PRKX: variants seen among roughly 807,000 people sequenced by gnomAD.
PRKX encodes the protein cAMP-dependent protein kinase catalytic subunit PRKX.
In PRKX, 12 loss-of-function variants were observed where a neutral mutation model predicts 22.0. That is an observed-to-expected ratio of 0.54 (90% CI 0.35 to 0.88). The LOEUF is 0.88. Ranked by LOEUF, PRKX falls within the 40% of genes least tolerant of loss-of-function variation. The probability of loss-of-function intolerance (pLI) is 0.01; values close to 1 mark genes in which losing one functional copy is unlikely to be tolerated. For missense variants in PRKX, 217 were observed against 308.0 expected (o/e 0.70, Z 2.21); for synonymous variants, 134 against 137.7 (o/e 0.97, Z 0.19).
At chrX:3,662,185 C>T (rs1927608914) in intron 2 of PRKX, among the ~76,000 whole-genome samples, 1 of 110,613 alleles carries the variant, frequency 9.0e-6, no homozygotes, top group African/African-American at 3.3e-5. Flanking sequence ...TCCTGTAAGA[C>T]CAGGTAGAAG....
chrX:3,694,388 C>CA (rs773988863), intron 1 of PRKX, among the ~76,000 whole-genome samples: 5 of 107,198 alleles, frequency 4.7e-5, no homozygotes, highest in East Asian at 2.9e-4. Context: ...ACTCCATCAC[C>CA]AAAAAAAATA....
chrX:3,668,574 C>A (rs1043487438), intron 2 of PRKX, among the ~76,000 whole-genome samples: 1 of 111,925 alleles, frequency 8.9e-6, no homozygotes, highest in Non-Finnish European at 1.9e-5. Flanking sequence ...AGAAGAGGTT[C>A]TGGCATGAAC....
chrX:3,700,325 G>C (rs1220176361), intron 1 of PRKX, among the ~76,000 whole-genome samples: 1 of 111,955 alleles, frequency 8.9e-6, no homozygotes, highest in Non-Finnish European at 1.9e-5. Flanking sequence ...GGAAGTTAAC[G>C]GAGAAACATA....
At chrX:3,684,198 G>A (rs1162672246) in intron 1 of PRKX, among the ~76,000 whole-genome samples, 2 of 111,643 alleles carry the variant, frequency 1.8e-5, no homozygotes, top group Non-Finnish European at 3.8e-5. Flanking sequence ...GTTACAGTGA[G>A]CCAAGATTGC....
intron 1 of PRKX, among the ~76,000 whole-genome samples, chrX:3,675,601 C>T (rs1927937094): frequency 9.2e-6 from 1 of 109,262 alleles, no homozygotes; most frequent in Non-Finnish European, 1.9e-5. Context: ...CACTGGGGTG[C>T]ATGTAAATGA....
intron 3 of PRKX, among the ~76,000 whole-genome samples, chrX:3,649,086 A>G (rs953593514): frequency 8.9e-5 from 10 of 112,068 alleles, no homozygotes; most frequent in African/African-American, 3.2e-4. Context: ...CAAATGCTCC[A>G]AAAGTCAATA....
At chrX:3,629,363 A>G (rs773691279) in intron 4 of PRKX, among the ~76,000 whole-genome samples, 57 of 108,091 alleles carry the variant, frequency 5.3e-4, no homozygotes, top group Non-Finnish European at 7.7e-4. Flanking sequence ...CTCCTACTTC[A>G]GCCTCCTGAG....
At chrX:3,683,303 A>G (rs1336057338) in intron 1 of PRKX, among the ~76,000 whole-genome samples, 2 of 111,907 alleles carry the variant, frequency 1.8e-5, no homozygotes, top group Non-Finnish European at 3.8e-5. Context: ...TAACTCCACC[A>G]TCTCTGAGAA....
Position 3,694,648 on chromosome X carries a change from T to C in PRKX, c.166+18440A>G, listed in dbSNP as rs186233745. Among the ~76,000 whole-genome samples, 215 of 111,625 alleles carry C rather than the reference T, an allele frequency of 1.9e-3. 2 individuals are homozygous for C. The highest frequency in any genetic ancestry group is 6.6e-3 in the African/African-American group (202 of 30,817). On this transcript the variant is annotated intron_variant, in intron 1 of 8. Coordinates refer to ENST00000262848, the MANE Select transcript of PRKX (RefSeq NM_005044.5). ...ACAAAGATATATTCACATCCTCATG[T>C]CCAGAACCTGGAATGGGAACTTATT...
intron 2 of PRKX, among the ~76,000 whole-genome samples, chrX:3,660,737 C>A (rs1416261146): frequency 8.9e-6 from 1 of 111,802 alleles, no homozygotes; most frequent in Non-Finnish European, 1.9e-5. Context: ...GAGGATTACA[C>A]AGGCATGTAG....
At chrX:3,697,956 G>C (rs770894223) in intron 1 of PRKX, among the ~76,000 whole-genome samples, 10 of 111,546 alleles carry the variant, frequency 9.0e-5, no homozygotes, top group Non-Finnish European at 1.9e-4. Context: ...TGACAAAATC[G>C]CCTTTTGGAG....
At position 3,670,633 on chromosome X, in the gene PRKX, C is replaced by T. The variant is rs1927828610; in HGVS notation, c.335+3965G>A. Among the ~76,000 whole-genome samples the T allele has an allele frequency of 2.7e-5, 3 of 110,314 alleles. No homozygotes were observed. In the Admixed American group the frequency reaches 2.9e-4, roughly 11 times the overall value. On this transcript the variant is annotated intron_variant, in intron 2 of 8. Transcript: ENST00000262848. The stretch of plus-strand genomic sequence containing the variant: ...CAATCTCGGCTCACTGCAATCTCCG[C>T]CTCCCAGGATCAAGCGATCCCCCTA...
intron 1 of PRKX, among the ~76,000 whole-genome samples, chrX:3,681,053 C>T (rs1928061598): frequency 9.2e-6 from 1 of 109,094 alleles, no homozygotes; most frequent in Admixed American, 9.8e-5. Context: ...GTCTGGGCAA[C>T]AGAATGAAAC....
intron 1 of PRKX, among the ~76,000 whole-genome samples, chrX:3,689,738 G>A (rs887256739): frequency 8.9e-6 from 1 of 111,747 alleles, no homozygotes; most frequent in African/African-American, 3.3e-5. Flanking sequence ...AACACTTTGG[G>A]AGGCCAAGGC....
chrX:3,622,739 T>G (rs1926583158), intron 5 of PRKX, among the ~76,000 whole-genome samples: 1 of 111,796 alleles, frequency 8.9e-6, no homozygotes, highest in Admixed American at 9.6e-5. Flanking sequence ...GCTGAAAAGC[T>G]TTGAGCAGGA....
intron 1 of PRKX, among the ~76,000 whole-genome samples, chrX:3,711,904 G>A (rs1416143028): frequency 9.0e-6 from 1 of 110,622 alleles, no homozygotes; most frequent in Non-Finnish European, 1.9e-5. Context: ...ATGAGATAAA[G>A]AGGAGGAGGG....
intron 1 of PRKX, among the ~76,000 whole-genome samples, chrX:3,700,733 C>T (rs1385493985): frequency 1.0e-5 from 1 of 97,953 alleles, no homozygotes. Flanking sequence ...CACGTGCCAC[C>T]ACGCCCAGCT....
chrX:3,617,199 A>T (rs1190054981), intron 6 of PRKX, among the ~76,000 whole-genome samples: 1 of 109,322 alleles, frequency 9.1e-6, no homozygotes, highest in African/African-American at 3.3e-5. Context: ...ACACATACTT[A>T]TATACATACA....
At chrX:3,694,565 C>T (rs1471645980) in intron 1 of PRKX, among the ~76,000 whole-genome samples, 1 of 108,181 alleles carries the variant, frequency 9.2e-6, no homozygotes, top group Non-Finnish European at 1.9e-5. Flanking sequence ...AAAGGATCCT[C>T]CCCTAGAGCC....
Sources: gnomAD v4.1 joint callset for allele counts (sites outside exome capture counted in the v4.1 genomes callset) on GRCh38, gnomAD v4.1.1 for gene constraint, MANE v1.5 for transcripts, NCBI Gene and HGNC (gene_info 2026-07-23, HGNC 2026-07-21) for gene names.